Variants in SLC36A1 observed in about 807,000 individuals in gnomAD.
SLC36A1 encodes the protein solute carrier family 36 member 1.
In SLC36A1, 30 loss-of-function variants were observed where a neutral mutation model predicts 47.5. The ratio of observed to expected loss-of-function variants is 0.63; its 90% CI spans 0.47 to 0.86. SLC36A1 has a LOEUF of 0.86. Among genes scored for constraint, SLC36A1 ranks in the 40% least tolerant of loss-of-function variants. SLC36A1 has a pLI of 0.00. For synonymous variants in SLC36A1, 255 were observed against 249.7 expected, an observed-to-expected ratio of 1.02 and a Z score of -0.20; for missense variants, 517 against 606.0, an observed-to-expected ratio of 0.85 and a Z score of 1.54.
chr5:151,431,380 C>T, the SLC36A1 span: 2 of 152,272 alleles, frequency 1.3e-5, no homozygotes, highest in Non-Finnish European at 2.9e-5. Context: ...GCTGCATCAT[C>T]CAGGGACTGG....
At chr5:151,530,594 G>T in the SLC36A1 span, among the ~76,000 whole-genome samples, 1 of 152,190 alleles carries the variant, frequency 6.6e-6, no homozygotes, top group African/African-American at 2.4e-5. Context: ...TAGATGTTTT[G>T]GGGATACTAA....
At chr5:151,538,812 G>C in the SLC36A1 span, among the ~76,000 whole-genome samples, 2 of 151,904 alleles carry the variant, frequency 1.3e-5, no homozygotes, top group African/African-American at 4.8e-5. Flanking sequence ...AGGTAGCTGG[G>C]AGTACAGGTG....
chr5:151,493,798 G>A (rs890895530), downstream of SLC36A1, among the ~76,000 whole-genome samples: 17 of 152,212 alleles, frequency 1.1e-4, no homozygotes, highest in Non-Finnish European at 1.9e-4. Context: ...GCAGCCTCAA[G>A]AGGAAGGTTT....
chr5:151,458,606 G>A (rs778764045), intron 1 of SLC36A1, among the ~76,000 whole-genome samples, 182 bp from the exon 2 acceptor site: 52 of 152,026 alleles, frequency 3.4e-4, no homozygotes, highest in Non-Finnish European at 5.1e-4. Flanking sequence ...AACTCAGCCC[G>A]CCTCTGTGTA....
chr5:151,542,487 G>T, the SLC36A1 span: 2 of 1,614,198 alleles, frequency 1.2e-6, no homozygotes, highest in Non-Finnish European at 8.5e-7. Context: ...TGGTCTGTCC[G>T]TGGTCATAGG....
the SLC36A1 span, among the ~76,000 whole-genome samples, chr5:151,392,295 A>G: frequency 0.5 from 75,154 of 151,380 alleles, 20,561 homozygotes; most frequent in African/African-American, 0.75. Context: ...TCTCCTTTTC[A>G]TCTTTATTAG....
the SLC36A1 span, among the ~76,000 whole-genome samples, chr5:151,369,492 C>T: frequency 6.6e-6 from 1 of 152,188 alleles, no homozygotes; most frequent in South Asian, 2.1e-4. Context: ...AAAACTAAAC[C>T]TGTTCCCACC....
intron 3 of SLC36A1, 94 bp downstream of exon 3, chr5:151,463,737 A>G (rs1755929172): frequency 1.1e-6 from 1 of 930,284 alleles, no homozygotes; most frequent in Non-Finnish European, 1.7e-6. Context: ...AACATTTTAA[A>G]TAGAGAAGCA....
At chr5:151,487,642 C>T (rs539964507) in intron 10 of SLC36A1, among the ~76,000 whole-genome samples, 2 of 152,196 alleles carry the variant, frequency 1.3e-5, no homozygotes, top group South Asian at 2.1e-4. Context: ...TTCTCCCTAC[C>T]CTCCCTCCTT....
downstream of SLC36A1, among the ~76,000 whole-genome samples, chr5:151,496,728 G>C (rs897515523): frequency 6.6e-6 from 1 of 152,150 alleles, no homozygotes; most frequent in Non-Finnish European, 1.5e-5. Context: ...GCTGATTTTT[G>C]TACTTTTAGT....
At chr5:151,543,239 C>T in the SLC36A1 span, 1 of 1,614,212 alleles carries the variant, frequency 6.2e-7, no homozygotes, top group Non-Finnish European at 8.5e-7. Flanking sequence ...ACATCTTTAA[C>T]TAGGTCCTCT....
the SLC36A1 span, among the ~76,000 whole-genome samples, chr5:151,422,398 A>G: frequency 1.3e-5 from 2 of 152,234 alleles, no homozygotes; most frequent in African/African-American, 4.8e-5. Context: ...CTCAAAGATA[A>G]GAAAAGAAAC....
the SLC36A1 span, among the ~76,000 whole-genome samples, chr5:151,373,928 A>C: frequency 6.6e-6 from 1 of 152,096 alleles, no homozygotes; most frequent in Non-Finnish European, 1.5e-5. Flanking sequence ...ATTGCTCTAA[A>C]AGAGATTTGA....
chr5:151,482,685 T>C (rs1758959298), intron 10 of SLC36A1, among the ~76,000 whole-genome samples: 3 of 152,224 alleles, frequency 2.0e-5, no homozygotes, highest in Admixed American at 2.0e-4. Flanking sequence ...TCCACTGTAT[T>C]GGTGGATCAT....
At chr5:151,534,467 G>A in the SLC36A1 span, 27 of 1,613,802 alleles carry the variant, frequency 1.7e-5, no homozygotes, top group South Asian at 9.9e-5. Flanking sequence ...TGGTGTTGTC[G>A]AAGACAGCCA....
At chr5:151,510,313 G>A in the SLC36A1 span, 3,112 of 986,118 alleles carry the variant, frequency 3.2e-3, 63 homozygotes, top group African/African-American at 0.043. Flanking sequence ...GCCCAATACC[G>A]TGCTGGGCAT....
chr5:151,358,789 A>G, the SLC36A1 span, among the ~76,000 whole-genome samples: 1 of 151,412 alleles, frequency 6.6e-6, no homozygotes, highest in East Asian at 1.9e-4. Context: ...CTGGCTAACA[A>G]GGTGAAACCC....
the SLC36A1 span, among the ~76,000 whole-genome samples, chr5:151,401,017 C>CTTTAG: frequency 0.013 from 1,911 of 152,086 alleles, 51 homozygotes; most frequent in African/African-American, 0.044. Context: ...TGCAGAAGCT[C>CTTTAG]TTTAATTAGG....
chr5:151,430,331 A>ATTTTTT, the SLC36A1 span, among the ~76,000 whole-genome samples: 294 of 117,504 alleles, frequency 2.5e-3, 5 homozygotes, highest in Middle Eastern at 4.2e-3. Context: ...CACCTGGCTA[A>ATTTTTT]TTTTTTTTTT....
Sources: gnomAD v4.1 joint callset for allele counts (sites outside exome capture counted in the v4.1 genomes callset) on GRCh38, gnomAD v4.1.1 for gene constraint, MANE v1.5 for transcripts, NCBI Gene and HGNC (gene_info 2026-07-23, HGNC 2026-07-21) for gene names.